The following ZZEF1 variants were observed in gnomAD, a reference collection of about 807,000 sequenced individuals.
The protein encoded by ZZEF1 is zinc finger ZZ-type and EF-hand domain containing 1.
ZZEF1 carries 157 observed loss-of-function variants against 342.8 expected under a neutral mutation model. That is an observed-to-expected ratio of 0.46 (90% CI 0.40 to 0.52). The LOEUF (loss-of-function observed/expected upper bound fraction) is 0.52. Ranked by LOEUF, ZZEF1 falls within the 20% of genes least tolerant of loss-of-function variation. ZZEF1 has a pLI of 0.00. For missense variants in ZZEF1, 3,480 were observed against 3,725.6 expected (o/e 0.93, Z 1.72); for synonymous variants, 1,505 against 1,429.1 (o/e 1.05, Z -1.20).
At chr17:4,130,674 G>T (rs2058649128) in intron 1 of ZZEF1, among the ~76,000 whole-genome samples, 1 of 152,238 alleles carries the variant, frequency 6.6e-6, no homozygotes, top group East Asian at 1.9e-4. Context: ...CCGGGGACCA[G>T]TTCAAGACGT....
intron 36 of ZZEF1, 139 bp from the exon 37 acceptor site, chr17:4,049,998 T>G: frequency 1.1e-6 from 1 of 912,784 alleles, no homozygotes; most frequent in Non-Finnish European, 1.6e-6. Context: ...GGACTCAACG[T>G]GAACATCCCT....
chr17:4,066,651 G>A, intron 27 of ZZEF1, 111 bp from the exon 28 acceptor site: 3 of 896,976 alleles, frequency 3.3e-6, no homozygotes, highest in East Asian at 2.4e-5. Context: ...GTACTTCACA[G>A]TTGTATCATT....
rs767947243 is a variant in ZZEF1 at position 4,086,626 on chromosome 17, G to A, written c.2372C>T (p.Thr791Ile). The A allele has an allele frequency of 4.3e-6, 7 of 1,613,984 alleles. No homozygotes were observed. The highest frequency in any genetic ancestry group is 5.1e-6 in the Non-Finnish European group (6 of 1,180,048). Residue 791 changes from threonine (T) to isoleucine (I), a missense_variant, in exon 15 of 55, where the codon ACC (threonine) becomes ATC (isoleucine). Thr to Ile is a moderately conservative substitution (Grantham distance 89). Around this residue, in one of 5 missense-constraint regions of ZZEF1, gnomAD observed 1,528 missense variants for 1,624.1 expected, o/e 0.94. Coordinates refer to ENST00000381638, the MANE Select transcript of ZZEF1 (RefSeq NM_015113.4). ...GCTCTGGAGTAGCTGCAGAAGCAGGGTTTGGGCAGAGACGCATTCTTCCCT... is the reference window on the plus strand; with the variant it reads ...GCTCTGGAGTAGCTGCAGAAGCAGGATTTGGGCAGAGACGCATTCTTCCCT... ...NPREECVSAQ[T>I]LLLQLLQSCF...
chr17:4,074,372 T>G, intron 23 of ZZEF1, 21 bp from the exon 24 acceptor site: 1 of 1,613,626 alleles, frequency 6.2e-7, no homozygotes, highest in Non-Finnish European at 8.5e-7. Context: ...ACAGAAATCA[T>G]GTGGTCAGAC....
chr17:4,142,202 C>T (rs2058865885), intron 1 of ZZEF1, among the ~76,000 whole-genome samples: 1 of 152,146 alleles, frequency 6.6e-6, no homozygotes, highest in African/African-American at 2.4e-5. Flanking sequence ...TTCTCAGCGC[C>T]ACTCCTCCTA....
chr17:4,033,146 G>C (rs941457570), intron 40 of ZZEF1, 144 bp from the exon 41 acceptor site: 5 of 744,466 alleles, frequency 6.7e-6, no homozygotes, highest in East Asian at 2.7e-5. Flanking sequence ...AATGCTTTTC[G>C]TATAATGGTG....
chr17:4,138,052 A>G (rs1163657300), intron 1 of ZZEF1, among the ~76,000 whole-genome samples: 2 of 152,240 alleles, frequency 1.3e-5, no homozygotes, highest in African/African-American at 2.4e-5. Context: ...ACTAGCTAGC[A>G]CAGGGCTAGT....
intron 32 of ZZEF1, 68 bp downstream of exon 32, chr17:4,057,926 C>A (rs1429661299): frequency 3.3e-6 from 5 of 1,508,980 alleles, no homozygotes; most frequent in Non-Finnish European, 4.5e-6. Flanking sequence ...GCTCTTAACG[C>A]CCCCACTATG....
intron 39 of ZZEF1, among the ~76,000 whole-genome samples, 181 bp downstream of exon 39, chr17:4,042,248 T>C (rs1597801503): frequency 6.6e-6 from 1 of 151,862 alleles, no homozygotes. Context: ...TATTGTTTTA[T>C]ACACACACAC....
At chr17:4,042,613 TG>T in intron 38 of ZZEF1, 45 bp from the exon 39 acceptor site, 1 of 1,595,122 alleles carries the variant, frequency 6.3e-7, no homozygotes, top group Non-Finnish European at 8.5e-7. Context: ...CATCTCCACA[TG>T]TATGAAGAGG....
At chr17:4,067,430 T>A (rs1352774397) in intron 26 of ZZEF1, among the ~76,000 whole-genome samples, 188 bp from the exon 27 acceptor site, 1 of 152,234 alleles carries the variant, frequency 6.6e-6, no homozygotes, top group Non-Finnish European at 1.5e-5. Context: ...TGTGGGTTCC[T>A]GTGTTATTTC....
At chr17:4,118,164 T>C (rs1423621981) in intron 2 of ZZEF1, among the ~76,000 whole-genome samples, 2 of 152,104 alleles carry the variant, frequency 1.3e-5, no homozygotes, top group Non-Finnish European at 2.9e-5. Context: ...CTCATGTAAT[T>C]TACTTGTGCC....
chr17:4,028,966 G>T (rs758661482), intron 42 of ZZEF1, among the ~76,000 whole-genome samples: 1 of 152,290 alleles, frequency 6.6e-6, no homozygotes. Context: ...TATCATTAGG[G>T]ATAAAAAAGG....
intron 27 of ZZEF1, among the ~76,000 whole-genome samples, chr17:4,066,868 C>T (rs2057410318): frequency 6.6e-6 from 1 of 152,100 alleles, no homozygotes; most frequent in South Asian, 2.1e-4. Context: ...GATGCTGAGA[C>T]CTAAAACTGG....
chr17:4,101,303 G>A (rs1054509728), intron 9 of ZZEF1, among the ~76,000 whole-genome samples: 7 of 152,016 alleles, frequency 4.6e-5, no homozygotes, highest in Non-Finnish European at 8.8e-5. Flanking sequence ...TCATTGCTGA[G>A]AGGAAAGCCG....
chr17:4,125,216 C>T (rs1018137359), intron 1 of ZZEF1, among the ~76,000 whole-genome samples: 7 of 147,554 alleles, frequency 4.7e-5, no homozygotes, highest in Non-Finnish European at 1.1e-4. Context: ...GCCTTCTGCC[C>T]TCCTGCTGAT....
rs931136770 is a variant in ZZEF1 at position 4,042,451 on chromosome 17, G to A, written c.6284C>T (p.Ala2095Val). ...SQKRILGLLA[A>V]MLPPLKSGPT... is the part of the protein sequence containing the mutation. ...TACCGACTTTAAGGGAGGTAACATG[G>A]CTGCTAGTAATCCCAAAATCCTCTT... The change falls in exon 39 of 55, where the codon GCC (alanine) becomes GTC (valine). Residue 2095 changes from alanine (A) to valine (V), a missense_variant. Transcript: ENST00000381638. The A allele has an allele frequency of 2.5e-6, 4 of 1,613,306 alleles. No homozygotes were observed. The highest frequency in any genetic ancestry group is 3.4e-6 in the Non-Finnish European group (4 of 1,179,804).
intron 37 of ZZEF1, among the ~76,000 whole-genome samples, chr17:4,046,730 C>G (rs140634924): frequency 1.3e-5 from 2 of 152,162 alleles, no homozygotes; most frequent in African/African-American, 2.4e-5. Flanking sequence ...ATGGCACTTG[C>G]GAAGACAATA....
chr17:4,099,862 A>C (rs535563025), intron 9 of ZZEF1, among the ~76,000 whole-genome samples: 1 of 151,984 alleles, frequency 6.6e-6, no homozygotes, highest in Non-Finnish European at 1.5e-5. Flanking sequence ...TGATATTTTA[A>C]ATCTATAAGT....
Sources: gnomAD v4.1 joint callset for allele counts (sites outside exome capture counted in the v4.1 genomes callset) on GRCh38, gnomAD v4.1.1 for gene constraint, gnomAD v4.1.1 regional missense constraint, MANE v1.5 for transcripts, NCBI Gene and HGNC (gene_info 2026-07-23, HGNC 2026-07-21) for gene names.